Variants in SIK2 observed in about 807,000 individuals in gnomAD.
SIK2 encodes serine/threonine-protein kinase SIK2.
Under a neutral mutation model 103.2 loss-of-function variants are expected in SIK2, and 29 were observed. That is an observed-to-expected ratio of 0.28 (90% CI 0.21 to 0.38). The LOEUF (loss-of-function observed/expected upper bound fraction) is 0.38. Among genes scored for constraint, SIK2 ranks in the 10% least tolerant of loss-of-function variants. SIK2 has a pLI of 1.00. For missense variants in SIK2, 879 were observed against 1,171.0 expected (o/e 0.75, Z 3.64); for synonymous variants, 412 against 446.1 (o/e 0.92, Z 0.96).
intron 1 of SIK2, among the ~76,000 whole-genome samples, chr11:111,614,784 A>G (rs1326282667): frequency 6.6e-6 from 1 of 152,188 alleles, no homozygotes; most frequent in East Asian, 1.9e-4. Flanking sequence ...GCTGAGTCCT[A>G]TTTTATTGGA....
rs1360189280 is a variant in SIK2, at chr11:111,701,628, T to C, written c.727+53T>C. The C allele has an allele frequency of 1.3e-6, 2 of 1,583,030 alleles. No homozygotes were observed. The highest frequency in any genetic ancestry group is 1.7e-6 in the Non-Finnish European group (2 of 1,161,590). On this transcript the variant is annotated intron_variant, in intron 6 of 14. Coordinates refer to ENST00000304987, the MANE Select transcript of SIK2 (RefSeq NM_015191.3). The surrounding 1 kb of genome is among the most constrained non-coding windows in gnomAD (Gnocchi z 4.2). ...TGTTTTACAGTGTTAGTGCTCCAAG[T>C]GAAATGCCTAGGTAAAAGCTTCTTT...
chr11:111,629,945 G>A (rs900875123), intron 3 of SIK2, among the ~76,000 whole-genome samples: 2 of 152,046 alleles, frequency 1.3e-5, no homozygotes, highest in East Asian at 1.9e-4. Flanking sequence ...ACCCCATCAC[G>A]CAACAATTCA....
At chr11:111,712,640 C>T (rs1943532653) in intron 9 of SIK2, among the ~76,000 whole-genome samples, 1 of 152,120 alleles carries the variant, frequency 6.6e-6, no homozygotes. Flanking sequence ...CTCACTAATT[C>T]CTTCTCTCTT....
At chr11:111,689,086 A>T (rs911174828) in intron 4 of SIK2, among the ~76,000 whole-genome samples, 1 of 152,226 alleles carries the variant, frequency 6.6e-6, no homozygotes, top group Non-Finnish European at 1.5e-5. Flanking sequence ...ACAGAAGCAG[A>T]ATGTTGCAGG....
intron 3 of SIK2, among the ~76,000 whole-genome samples, chr11:111,651,331 T>A (rs1172734876): frequency 6.6e-6 from 1 of 152,124 alleles, no homozygotes; most frequent in Non-Finnish European, 1.5e-5. Flanking sequence ...GAAAATATGG[T>A]ACATGGAATA....
In SIK2 at chr11:111,701,704, G is replaced by A. The variant is rs1943216654; in HGVS notation, c.727+129G>A. 10 of 1,222,708 alleles carry A rather than the reference G, an allele frequency of 8.2e-6. No homozygotes were observed. The highest frequency in any genetic ancestry group is 1.5e-5 in the African/African-American group (1 of 65,650). 75.7% of individuals were successfully genotyped at this position (1,222,708 alleles called of 1,614,324 possible). A position where few individuals can be genotyped will look rare whatever the true frequency, so the allele number is the denominator to read the frequency against. ...AAAGTGACTGAGCTGTAGGTTAAAA[G>A]CTATAGAAAGAAGCAACCTCCTTTA... On this transcript the variant is annotated intron_variant, in intron 6 of 14. Coordinates refer to ENST00000304987, the MANE Select transcript of SIK2 (RefSeq NM_015191.3). This position sits in a 1 kb window ranked among gnomAD's most constrained non-coding sequence, Gnocchi z 4.2.
intron 9 of SIK2, among the ~76,000 whole-genome samples, chr11:111,712,595 C>T (rs538781021): frequency 5.3e-5 from 8 of 152,292 alleles, no homozygotes; most frequent in East Asian, 1.9e-4. Context: ...TGTCAGACCT[C>T]GTGGACTTCT....
chr11:111,701,459 G>A lies in SIK2; in HGVS notation c.611G>A (p.Gly204Glu). The A allele has an allele frequency of 6.2e-7, 1 of 1,613,668 alleles. No individual in the cohort carries two copies. Among genetic ancestry groups the A allele is most frequent in the Non-Finnish European group, 8.5e-7 (1 of 1,179,716 alleles). Residue 204 changes from glycine to glutamate, a missense_variant, in exon 6 of 15, where the codon GGA becomes GAA. Physicochemically the swap from Gly to Glu is moderately conservative, Grantham distance 98. Transcript: ENST00000304987. The surrounding 1 kb of genome is among the most constrained non-coding windows in gnomAD (Gnocchi z 4.2). ...EGPQLDIWSM[G>E]VVLYVLVCGA... is the part of the protein sequence containing the mutation. ...CATTGTTTTCTTCCCTAGAGTATGG[G>A]AGTTGTTCTTTATGTCCTTGTCTGT... is the stretch of plus-strand genomic sequence containing the variant.
intron 9 of SIK2, among the ~76,000 whole-genome samples, chr11:111,716,853 G>A (rs1299419396): frequency 3.9e-5 from 6 of 152,112 alleles, no homozygotes; most frequent in Non-Finnish European, 8.8e-5. Context: ...ACAACCCACA[G>A]AATGAGAGAA....
In SIK2 at chr11:111,705,904, G is replaced by C. The variant is rs1330618514; in HGVS notation, c.1101+765G>C. Among the ~76,000 whole-genome samples the C allele has an allele frequency of 6.6e-6, 1 of 152,128 alleles. No homozygotes were observed. Among genetic ancestry groups the C allele is most frequent in the Non-Finnish European group, 1.5e-5 (1 of 68,012 alleles). ...TACAGTAGAGATGAGAAATACCGAA[G>C]GCTTAAACTCATATGGCACTGTTGG... On this transcript the variant is annotated intron_variant, in intron 8 of 14. Coordinates refer to ENST00000304987, the MANE Select transcript of SIK2 (RefSeq NM_015191.3). The surrounding 1 kb of genome is among the most constrained non-coding windows in gnomAD (Gnocchi z 4.3).
chr11:111,647,648 G>T (rs1199898863), intron 3 of SIK2, among the ~76,000 whole-genome samples: 1 of 150,266 alleles, frequency 6.7e-6, no homozygotes, highest in Non-Finnish European at 1.5e-5. Context: ...GGTAGATCAC[G>T]AGGTCAGGAG....
At chr11:111,666,486 G>C (rs1280938887) in intron 3 of SIK2, among the ~76,000 whole-genome samples, 1 of 152,162 alleles carries the variant, frequency 6.6e-6, no homozygotes, top group Non-Finnish European at 1.5e-5. Context: ...CTGAAGGTAA[G>C]TTTAGGCTGT....
chr11:111,723,360 C>T, intron 14 of SIK2, 136 bp from the exon 15 acceptor site: 1 of 924,412 alleles, frequency 1.1e-6, no homozygotes. Context: ...CAATTGGTTC[C>T]CATTCCCACT....
Position 111,688,762 on chromosome 11 carries a change from A to G in SIK2, c.478+600A>G, listed in dbSNP as rs767350155. On this transcript the variant is annotated intron_variant, in intron 4 of 14. Transcript: ENST00000304987. This position sits in a 1 kb window ranked among gnomAD's most constrained non-coding sequence, Gnocchi z 4.2. Reference sequence around the variant, plus strand: ...CTTTATTTACATAGTCAAAACTCTCATTCACTCAATAAATATGTATCAGGT... The same window carrying G: ...CTTTATTTACATAGTCAAAACTCTCGTTCACTCAATAAATATGTATCAGGT... Among the ~76,000 whole-genome samples the G allele has an allele frequency of 6.6e-6, 1 of 152,194 alleles. No homozygotes were observed. Among genetic ancestry groups the G allele is most frequent in the Non-Finnish European group, 1.5e-5 (1 of 68,030 alleles).
chr11:111,716,311 G>A (rs113037399), intron 9 of SIK2, among the ~76,000 whole-genome samples: 14 of 152,168 alleles, frequency 9.2e-5, no homozygotes, highest in African/African-American at 2.2e-4. Flanking sequence ...GGCCAGGTGC[G>A]GTGGCTTACA....
chr11:111,712,515 CT>C, intron 9 of SIK2, 140 bp downstream of exon 9: 1 of 857,306 alleles, frequency 1.2e-6, no homozygotes, highest in Non-Finnish European at 1.8e-6. Flanking sequence ...GGAGAAAAAC[CT>C]TAGAACAGTG....
At chr11:111,683,347 C>G (rs1942801931) in intron 3 of SIK2, 1 of 152,212 alleles carries the variant, frequency 6.6e-6, no homozygotes, top group African/African-American at 2.4e-5. Context: ...AACAAGCTCT[C>G]AAGAATACAC....
intron 3 of SIK2, among the ~76,000 whole-genome samples, chr11:111,643,808 A>G (rs1173930277): frequency 1.3e-5 from 2 of 151,610 alleles, no homozygotes; most frequent in Non-Finnish European, 2.9e-5. Flanking sequence ...AAAAAAAAAA[A>G]GAACTGTTCA....
intron 4 of SIK2, among the ~76,000 whole-genome samples, chr11:111,692,977 T>G (rs1280385038): frequency 6.6e-6 from 1 of 152,166 alleles, no homozygotes; most frequent in Non-Finnish European, 1.5e-5. Flanking sequence ...ATGGTTCATT[T>G]TAATAAATAA....
Sources: allele counts gnomAD v4.1 joint callset (sites outside exome capture counted in the v4.1 genomes callset), GRCh38; gene constraint gnomAD v4.1.1; non-coding constraint Gnocchi (gnomAD v3.1); transcripts MANE v1.5; gene names NCBI Gene and HGNC (gene_info 2026-07-23, HGNC 2026-07-21).